CMC1: variants seen among roughly 807,000 people sequenced by gnomAD.
CMC1 encodes COX assembly mitochondrial protein homolog.
CMC1 carries 14 observed loss-of-function variants against 14.1 expected under a neutral mutation model. That is an observed-to-expected ratio of 0.99 (90% CI 0.66 to 1.55). The LOEUF (loss-of-function observed/expected upper bound fraction) is 1.55. Among genes scored for constraint, CMC1 ranks in the 40% most tolerant of loss-of-function variants. CMC1 has a pLI of 0.00. For synonymous variants in CMC1, 50 were observed against 38.4 expected, an observed-to-expected ratio of 1.30 and a Z score of -1.12; for missense variants, 127 against 123.8, an observed-to-expected ratio of 1.03 and a Z score of -0.12.
At chr3:28,274,552 T>C (rs1300089494) in intron 2 of CMC1, among the ~76,000 whole-genome samples, 4 of 152,140 alleles carry the variant, frequency 2.6e-5, no homozygotes, top group Non-Finnish European at 4.4e-5. Context: ...ATATTTTTCC[T>C]TCCTTTCAAC....
chr3:28,312,006 TTGA>T (rs1268153842), intron 2 of CMC1, among the ~76,000 whole-genome samples: 4 of 152,202 alleles, frequency 2.6e-5, no homozygotes, highest in African/African-American at 9.6e-5. Context: ...ATTTGTAGAG[TTGA>T]TATGATGTAT....
rs1226981836 is a variant in CMC1, at chr3:28,313,316, A to G, written c.110-3017A>G. ...TTAAACCTTTGAATAACTTTTAACA[A>G]TCTCTCCGCATTCCTACTGTTTATT... On this transcript the variant is annotated intron_variant, in intron 2 of 3. Transcript: ENST00000466830. Among the ~76,000 whole-genome samples the G allele has an allele frequency of 3.9e-5, 6 of 152,288 alleles. No homozygotes were observed. In the South Asian group the frequency reaches 6.2e-4, roughly 16 times the overall value.
At chr3:28,259,576 T>C (rs918738596) in intron 1 of CMC1, among the ~76,000 whole-genome samples, 1 of 152,202 alleles carries the variant, frequency 6.6e-6, no homozygotes, top group Non-Finnish European at 1.5e-5. Flanking sequence ...ACATGCATTT[T>C]TTTTGTTGTT....
intron 2 of CMC1, among the ~76,000 whole-genome samples, chr3:28,289,431 G>A (rs975035111): frequency 3.9e-5 from 6 of 152,000 alleles, no homozygotes; most frequent in Non-Finnish European, 7.4e-5. Flanking sequence ...AGTATAACAT[G>A]AGATATTTGT....
intron 2 of CMC1, among the ~76,000 whole-genome samples, chr3:28,301,659 A>G (rs1260676273): frequency 6.6e-6 from 1 of 151,862 alleles, no homozygotes; most frequent in African/African-American, 2.4e-5. Context: ...AGGAGATGCT[A>G]ATGTTTTTTA....
chr3:28,265,482 A>G (rs2125468026), intron 2 of CMC1, among the ~76,000 whole-genome samples: 1 of 152,292 alleles, frequency 6.6e-6, no homozygotes, highest in African/African-American at 2.4e-5. Flanking sequence ...TTAAATAATT[A>G]TAGGATTTTA....
chr3:28,304,459 T>C (rs2125584276), intron 2 of CMC1, among the ~76,000 whole-genome samples: 2 of 152,202 alleles, frequency 1.3e-5, no homozygotes, highest in East Asian at 3.9e-4. Context: ...ACATAAGAAG[T>C]AAGGATTTTT....
rs1159830389 is a variant in CMC1, at chr3:28,322,283, AATC to A, written c.*2657_*2659del. 1 of 151,298 alleles carries A rather than the reference AATC, an allele frequency of 6.6e-6. No individual in the cohort carries two copies. Among genetic ancestry groups the A allele is most frequent in the Admixed American group, 6.6e-5 (1 of 15,120 alleles). The allele number at this position is 151,298 out of a possible 1,614,324, so 9.4% of individuals were successfully genotyped here. A position where few individuals can be genotyped will look rare whatever the true frequency, so the allele number is the denominator to read the frequency against. On this transcript the variant is annotated 3_prime_UTR_variant, in exon 4 of 4. Coordinates refer to ENST00000466830, the MANE Select transcript of CMC1 (RefSeq NM_182523.2). ...TGGTTTAACAAATGTCTATTGTATG[AATC>A]ATATTAACAACCAACAATTAGTACT...
intron 1 of CMC1, among the ~76,000 whole-genome samples, chr3:28,256,722 C>T (rs1181735836): frequency 1.3e-5 from 2 of 152,066 alleles, no homozygotes; most frequent in South Asian, 2.1e-4. Context: ...AGGCAAACAC[C>T]GACATGGTGA....
chr3:28,311,338 A>C (rs1480243795), intron 2 of CMC1, among the ~76,000 whole-genome samples: 1 of 152,170 alleles, frequency 6.6e-6, no homozygotes, highest in Admixed American at 6.5e-5. Context: ...AAGCCAAACT[A>C]CTTAGGTCAT....
chr3:28,266,414 T>G (rs1036276830), intron 2 of CMC1, among the ~76,000 whole-genome samples: 12 of 152,132 alleles, frequency 7.9e-5, no homozygotes, highest in Non-Finnish European at 1.3e-4. Flanking sequence ...TGACAAATAG[T>G]GTTCATATTA....
At chr3:28,276,030 G>A (rs912954332) in intron 2 of CMC1, among the ~76,000 whole-genome samples, 2 of 152,140 alleles carry the variant, frequency 1.3e-5, no homozygotes, top group Admixed American at 6.5e-5. Flanking sequence ...CTGGGAGCTC[G>A]GTAGTGTTAG....
chr3:28,295,487 T>C (rs1701690433), intron 2 of CMC1, among the ~76,000 whole-genome samples: 1 of 152,150 alleles, frequency 6.6e-6, no homozygotes, highest in African/African-American at 2.4e-5. Context: ...CCCAAAAATC[T>C]CCTTAGAGGG....
chr3:28,301,210 G>C (rs1296688117), intron 2 of CMC1, among the ~76,000 whole-genome samples: 1 of 152,186 alleles, frequency 6.6e-6, no homozygotes, highest in South Asian at 2.1e-4. Flanking sequence ...ATTCCTTACA[G>C]ATGGGAACCT....
intron 2 of CMC1, among the ~76,000 whole-genome samples, chr3:28,299,304 C>T (rs2125569757): frequency 6.6e-6 from 1 of 152,152 alleles, no homozygotes; most frequent in South Asian, 2.1e-4. Flanking sequence ...ATCAGAAATA[C>T]TGATTTCTAC....
Position 28,307,512 on chromosome 3 carries a change from A to G in CMC1, c.110-8821A>G, listed in dbSNP as rs142796844. On this transcript the variant is annotated intron_variant, in intron 2 of 3. Coordinates refer to ENST00000466830, the MANE Select transcript of CMC1 (RefSeq NM_182523.2). ...CAGCGCCCAGCCTGGGTGACAAGAA[A>G]AAAAGTATTATTCACGCATCAGTTC... Among the ~76,000 whole-genome samples the G allele has an allele frequency of 5.1e-3, 782 of 152,266 alleles. 6 individuals carry two copies. Among genetic ancestry groups the G allele is most frequent in the African/African-American group, 0.017 (722 of 41,556 alleles).
intron 2 of CMC1, chr3:28,314,987 T>C (rs1009219317): frequency 1.3e-5 from 2 of 152,186 alleles, no homozygotes; most frequent in African/African-American, 2.4e-5. Flanking sequence ...ACAAAAGATA[T>C]TGAGAAAACA....
chr3:28,298,046 T>C (rs1028301291), intron 2 of CMC1, among the ~76,000 whole-genome samples: 3 of 151,896 alleles, frequency 2.0e-5, no homozygotes, highest in African/African-American at 7.2e-5. Flanking sequence ...TTTGTGAAGG[T>C]AAAGAATATT....
rs71626514 is a variant in CMC1 at position 28,323,354 on chromosome 3, ATTTTTTT to A, written c.*3736_*3742del. 1 of 132,832 alleles carries A rather than the reference ATTTTTTT, an allele frequency of 7.5e-6. No homozygotes were observed. The highest frequency in any genetic ancestry group is 3.9e-3 in the Middle Eastern group (1 of 256). 8.2% of individuals were successfully genotyped at this position (132,832 alleles called of 1,614,324 possible). A position where few individuals can be genotyped will look rare whatever the true frequency, so the allele number is the denominator to read the frequency against. The stretch of plus-strand genomic sequence containing the variant: ...CACCCCAGAGTTTTTCAACTATTTC[ATTTTTTT>A]TTTTTTTTTTCCCAATTAGGACTTA... On this transcript the variant is annotated 3_prime_UTR_variant, in exon 4 of 4. Transcript: ENST00000466830.
Sources: allele counts gnomAD v4.1 joint callset (sites outside exome capture counted in the v4.1 genomes callset), GRCh38; gene constraint gnomAD v4.1.1; transcripts MANE v1.5; gene names NCBI Gene and HGNC (gene_info 2026-07-23, HGNC 2026-07-21).